ADCK1: variants seen among roughly 807,000 people sequenced by gnomAD.
ADCK1 encodes the protein aarF domain containing kinase 1.
Under a neutral mutation model 52.3 loss-of-function variants are expected in ADCK1, and 41 were observed. The ratio of observed to expected loss-of-function variants is 0.78; its 90% CI spans 0.61 to 1.02. ADCK1 has a LOEUF of 1.02. Ranked by LOEUF, ADCK1 falls within the 50% of genes least tolerant of loss-of-function variation. The pLI, the probability that ADCK1 is intolerant of heterozygous loss-of-function variation, is 0.00. For missense variants in ADCK1, 658 were observed against 679.5 expected (o/e 0.97, Z 0.35); for synonymous variants, 250 against 274.6 (o/e 0.91, Z 0.89).
chr14:77,914,604 G>C, intron 7 of ADCK1: 5 of 985,166 alleles, frequency 5.1e-6, no homozygotes, highest in Non-Finnish European at 4.8e-6. Flanking sequence ...GAAGAGCAGA[G>C]GGTTTCAAAG....
In ADCK1 at chr14:77,887,264, T is replaced by C; in HGVS notation, c.582+15T>C. Reference sequence around the variant, plus strand: ...TCCTGATGGAGGTGAGAGCCCTCCCTTTCTCCTTCCTGTGTCCTCAGTCTA... The same window carrying C: ...TCCTGATGGAGGTGAGAGCCCTCCCCTTCTCCTTCCTGTGTCCTCAGTCTA... On this transcript the variant is annotated intron_variant, in intron 5 of 10. Transcript: ENST00000238561. 6.5e-7 allele frequency: 1 copy of C among 1,546,938 alleles called. No individual in the cohort carries two copies. Among genetic ancestry groups the C allele is most frequent in the East Asian group, 2.4e-5 (1 of 42,312 alleles).
chr14:77,802,641 A>G (rs1201015631), intron 1 of ADCK1, among the ~76,000 whole-genome samples: 1 of 151,474 alleles, frequency 6.6e-6, no homozygotes, highest in African/African-American at 2.4e-5. Flanking sequence ...AACACTAGGA[A>G]AGGGAGTTTG....
intron 1 of ADCK1, among the ~76,000 whole-genome samples, chr14:77,807,134 T>G (rs28790042): frequency 0.029 from 3,657 of 126,882 alleles, 162 homozygotes; most frequent in African/African-American, 0.1. Flanking sequence ...AGTGGCGGGA[T>G]CTCGGCTCAC....
intron 4 of ADCK1, among the ~76,000 whole-genome samples, chr14:77,881,756 G>T (rs902689858): frequency 6.6e-6 from 1 of 152,158 alleles, no homozygotes; most frequent in Non-Finnish European, 1.5e-5. Flanking sequence ...GCCTTCCAAA[G>T]TGCTGGGATT....
At chr14:77,801,007 A>T (rs759037561) in intron 1 of ADCK1, among the ~76,000 whole-genome samples, 1 of 152,128 alleles carries the variant, frequency 6.6e-6, no homozygotes, top group Non-Finnish European at 1.5e-5. Flanking sequence ...AGATGGGAGG[A>T]TTGCTTGAGG....
At chr14:77,835,570 C>A (rs755167428) in intron 3 of ADCK1, among the ~76,000 whole-genome samples, 6 of 152,162 alleles carry the variant, frequency 3.9e-5, no homozygotes, top group Non-Finnish European at 8.8e-5. Context: ...CAATCAGTCA[C>A]CTGGGGAGCC....
At chr14:77,901,823 C>A (rs4522354) in intron 6 of ADCK1, among the ~76,000 whole-genome samples, 5,507 of 152,296 alleles carry the variant, frequency 0.036, 145 homozygotes, top group South Asian at 0.065. Context: ...AACAGGGTTA[C>A]CCCCTTTATC....
intron 3 of ADCK1, among the ~76,000 whole-genome samples, chr14:77,852,663 AT>A (rs61496091): frequency 0.7 from 60,759 of 87,364 alleles, 18,139 homozygotes; most frequent in Middle Eastern, 0.76. Flanking sequence ...ATAAATAAAT[AT>A]ATATATATAT....
chr14:77,812,597 TTC>T (rs1026451166), intron 1 of ADCK1, among the ~76,000 whole-genome samples: 49 of 152,290 alleles, frequency 3.2e-4, no homozygotes, highest in African/African-American at 1.2e-3. Context: ...CTACTGCATA[TTC>T]TTTTTTTTGA....
At chr14:77,805,566 AT>A (rs2081206394) in intron 1 of ADCK1, among the ~76,000 whole-genome samples, 1 of 152,076 alleles carries the variant, frequency 6.6e-6, no homozygotes, top group African/African-American at 2.4e-5. Flanking sequence ...TGGCCCAAAA[AT>A]TACTCTTATA....
In ADCK1 at chr14:77,933,376, C is replaced by T; in HGVS notation, c.1557C>T (p.Phe519=). 1 of 1,614,018 alleles carries T rather than the reference C, an allele frequency of 6.2e-7. No individual in the cohort carries two copies. Among genetic ancestry groups the T allele is most frequent in the South Asian group, 1.1e-5 (1 of 91,060 alleles). ...TCTTGGCCCTAATATGCTGGCTGTT[C>T]CCTGCTCCACTCTGAGTGGAATTGC... ...DRVLALICWL[F]PAPL The change falls in exon 11 of 11, where the codon TTC becomes TTT. Residue 519 remains phenylalanine (F), a synonymous_variant. Transcript: ENST00000238561.
intron 9 of ADCK1, among the ~76,000 whole-genome samples, chr14:77,926,566 T>G (rs2084200340): frequency 6.6e-6 from 1 of 152,210 alleles, no homozygotes; most frequent in Admixed American, 6.5e-5. Context: ...CTGCAACCTC[T>G]GCCTCCGGGG....
At chr14:77,866,088 G>C (rs952984315) in intron 4 of ADCK1, among the ~76,000 whole-genome samples, 2 of 152,146 alleles carry the variant, frequency 1.3e-5, no homozygotes, top group African/African-American at 4.8e-5. Context: ...TTTTGTTGCT[G>C]TGTGAACATC....
intron 3 of ADCK1, among the ~76,000 whole-genome samples, chr14:77,852,821 A>G (rs1467233028): frequency 1.6e-5 from 2 of 128,798 alleles, no homozygotes; most frequent in African/African-American, 3.0e-5. Context: ...TTTTACTTCT[A>G]TGTGTTTCAT....
At chr14:77,870,184 A>T (rs1287140437) in intron 4 of ADCK1, among the ~76,000 whole-genome samples, 3 of 152,238 alleles carry the variant, frequency 2.0e-5, no homozygotes, top group Non-Finnish European at 4.4e-5. Context: ...GTAGATTACC[A>T]TTCTGGTTTT....
At chr14:77,836,408 A>G (rs1424694765) in intron 3 of ADCK1, among the ~76,000 whole-genome samples, 1 of 152,258 alleles carries the variant, frequency 6.6e-6, no homozygotes, top group African/African-American at 2.4e-5. Context: ...TTTTTACAGT[A>G]GCCCAATGAG....
chr14:77,903,154 T>A (rs534807718), intron 6 of ADCK1, among the ~76,000 whole-genome samples: 1 of 152,222 alleles, frequency 6.6e-6, no homozygotes. Context: ...GGGTAAATAA[T>A]GAATATACCA....
At chr14:77,889,860 A>G (rs1256730225) in intron 5 of ADCK1, among the ~76,000 whole-genome samples, 2 of 148,414 alleles carry the variant, frequency 1.3e-5, no homozygotes, top group Non-Finnish European at 3.0e-5. Flanking sequence ...GGAGTAGTTA[A>G]GATCACTAGA....
chr14:77,833,971 G>A (rs4903654), intron 3 of ADCK1, among the ~76,000 whole-genome samples: 58,561 of 152,086 alleles, frequency 0.39, 12,052 homozygotes, highest in Admixed American at 0.51. Context: ...AGTGTAAAAA[G>A]GAATTCAGTG....
Sources: allele counts gnomAD v4.1 joint callset (sites outside exome capture counted in the v4.1 genomes callset), GRCh38; gene constraint gnomAD v4.1.1; transcripts MANE v1.5; gene names NCBI Gene and HGNC (gene_info 2026-07-23, HGNC 2026-07-21).